PPARGC1A: variants seen among roughly 807,000 people sequenced by gnomAD.
The protein encoded by PPARGC1A is PPARG coactivator 1 alpha, also known as peroxisome proliferator-activated receptor gamma coactivator 1-alpha.
In PPARGC1A, 25 loss-of-function variants were observed where a neutral mutation model predicts 88.7. That is an observed-to-expected ratio of 0.28 (90% CI 0.21 to 0.39). The LOEUF (loss-of-function observed/expected upper bound fraction) is 0.39. Among genes scored for constraint, PPARGC1A ranks in the 10% least tolerant of loss-of-function variants. PPARGC1A has a pLI of 1.00. For missense variants in PPARGC1A, 880 were observed against 968.7 expected (o/e 0.91, Z 1.22); for synonymous variants, 363 against 355.6 (o/e 1.02, Z -0.24).
the PPARGC1A span, among the ~76,000 whole-genome samples, chr4:24,239,382 C>A: frequency 6.6e-6 from 1 of 152,234 alleles, no homozygotes; most frequent in South Asian, 2.1e-4. Context: ...TAAAGAGAAG[C>A]TTCCCAAGCA....
chr4:23,814,698 T>C (rs1470497396), intron 7 of PPARGC1A, 93 bp from the exon 8 acceptor site: 18 of 1,202,534 alleles, frequency 1.5e-5, no homozygotes, highest in East Asian at 2.6e-5. Context: ...GTTTCTAATT[T>C]TTCCAAGATT....
chr4:24,032,187 G>C, the PPARGC1A span, among the ~76,000 whole-genome samples: 1 of 152,118 alleles, frequency 6.6e-6, no homozygotes, highest in African/African-American at 2.4e-5. Context: ...CTTTTCTAAG[G>C]ACCTTTTTGC....
the PPARGC1A span, among the ~76,000 whole-genome samples, chr4:24,365,032 T>C: frequency 6.6e-6 from 1 of 152,038 alleles, no homozygotes; most frequent in Non-Finnish European, 1.5e-5. Context: ...TTACCCAGCA[T>C]GACACTTCTA....
chr4:23,939,044 G>T, the PPARGC1A span, among the ~76,000 whole-genome samples: 1 of 152,156 alleles, frequency 6.6e-6, no homozygotes, highest in Admixed American at 6.6e-5. Flanking sequence ...AGCCTGGGCA[G>T]CTTACCCAGT....
the PPARGC1A span, among the ~76,000 whole-genome samples, chr4:24,467,957 A>G: frequency 2.2e-4 from 33 of 152,224 alleles, no homozygotes; most frequent in Non-Finnish European, 4.0e-4. Flanking sequence ...ACGTAGCCTC[A>G]GGTTAAGCTA....
intron 7 of PPARGC1A, among the ~76,000 whole-genome samples, chr4:23,822,813 C>T (rs1383981976): frequency 6.6e-6 from 1 of 152,094 alleles, no homozygotes; most frequent in Non-Finnish European, 1.5e-5. Context: ...CATCTCCTTG[C>T]TTTCCAAAGC....
At chr4:24,101,985 C>T in the PPARGC1A span, among the ~76,000 whole-genome samples, 1 of 152,044 alleles carries the variant, frequency 6.6e-6, no homozygotes, top group Admixed American at 6.6e-5. Context: ...GAGGGAAAGA[C>T]AGATAAGCAA....
the PPARGC1A span, among the ~76,000 whole-genome samples, chr4:23,909,223 C>T: frequency 6.6e-5 from 10 of 152,218 alleles, no homozygotes; most frequent in East Asian, 7.7e-4. Context: ...AGACTCATTA[C>T]TAAATTATGT....
intron 3 of PPARGC1A, among the ~76,000 whole-genome samples, chr4:23,830,406 G>C (rs1365832354): frequency 1.3e-5 from 2 of 152,120 alleles, no homozygotes; most frequent in Non-Finnish European, 2.9e-5. Flanking sequence ...TGAGTCAACT[G>C]CTCTTCCCAA....
the PPARGC1A span, among the ~76,000 whole-genome samples, chr4:23,986,871 A>C: frequency 2.0e-5 from 3 of 152,128 alleles, no homozygotes; most frequent in Non-Finnish European, 4.4e-5. Flanking sequence ...TTACAAACAA[A>C]TCCACAAAAT....
At chr4:24,029,981 T>G in the PPARGC1A span, among the ~76,000 whole-genome samples, 6 of 152,142 alleles carry the variant, frequency 3.9e-5, no homozygotes, top group Non-Finnish European at 5.9e-5. Context: ...GAACTCATAT[T>G]TGGGAGAGAC....
At chr4:23,987,125 T>C in the PPARGC1A span, among the ~76,000 whole-genome samples, 1 of 152,018 alleles carries the variant, frequency 6.6e-6, no homozygotes, top group African/African-American at 2.4e-5. Flanking sequence ...TTCCTTATAG[T>C]AGTCCATGTG....
chr4:24,155,694 A>G, the PPARGC1A span, among the ~76,000 whole-genome samples: 26 of 152,308 alleles, frequency 1.7e-4, no homozygotes, highest in African/African-American at 5.8e-4. Context: ...AAAACACACA[A>G]ACACTGAGGC....
chr4:23,839,305 A>G (rs1726615861), intron 2 of PPARGC1A, among the ~76,000 whole-genome samples: 1 of 152,186 alleles, frequency 6.6e-6, no homozygotes. Flanking sequence ...AATATATGCA[A>G]AATGAGCTAT....
intron 2 of PPARGC1A, among the ~76,000 whole-genome samples, chr4:23,840,609 CAT>C (rs1726888373): frequency 6.6e-6 from 1 of 152,106 alleles, no homozygotes; most frequent in African/African-American, 2.4e-5. Flanking sequence ...CCTGACTCAA[CAT>C]ATGTTTTAGT....
chr4:23,846,086 G>C (rs1246778765), intron 2 of PPARGC1A, among the ~76,000 whole-genome samples: 1 of 152,146 alleles, frequency 6.6e-6, no homozygotes, highest in Non-Finnish European at 1.5e-5. Context: ...GGATAAAAAA[G>C]CACGTGTCCC....
chr4:24,295,396 C>T, the PPARGC1A span, among the ~76,000 whole-genome samples: 1 of 152,140 alleles, frequency 6.6e-6, no homozygotes, highest in Non-Finnish European at 1.5e-5. Context: ...TGAGTTAATG[C>T]TGTTCATCTG....
the PPARGC1A span, among the ~76,000 whole-genome samples, chr4:24,121,577 C>A: frequency 0.011 from 1,727 of 152,192 alleles, 33 homozygotes; most frequent in African/African-American, 0.039. Flanking sequence ...GTTCTAGGCA[C>A]CTCAGATCCA....
At chr4:24,394,084 T>C in the PPARGC1A span, among the ~76,000 whole-genome samples, 1 of 152,180 alleles carries the variant, frequency 6.6e-6, no homozygotes, top group Non-Finnish European at 1.5e-5. Context: ...TCCAGCTAAA[T>C]ACTTTGTCTG....
Sources: allele counts gnomAD v4.1 joint callset (sites outside exome capture counted in the v4.1 genomes callset), GRCh38; gene constraint gnomAD v4.1.1; transcripts MANE v1.5; gene names NCBI Gene and HGNC (gene_info 2026-07-23, HGNC 2026-07-21).